The following TASP1 variants were observed in gnomAD, a reference collection of about 807,000 sequenced individuals.
TASP1 encodes taspase 1.
A neutral mutation model predicts 56.6 loss-of-function variants in TASP1; 16 were observed. The ratio of observed to expected loss-of-function variants is 0.28; its 90% CI spans 0.19 to 0.43. The LOEUF (loss-of-function observed/expected upper bound fraction) is 0.43. TASP1 is among the 20% of genes least tolerant of loss of function. The probability of loss-of-function intolerance (pLI) is 1.00; values close to 1 mark genes in which losing one functional copy is unlikely to be tolerated. For synonymous variants in TASP1, 179 were observed against 184.2 expected (o/e 0.97, Z 0.23); for missense variants, 393 against 511.6 (o/e 0.77, Z 2.24).
At chr20:13,184,511 T>A in the TASP1 span, among the ~76,000 whole-genome samples, 1 of 152,216 alleles carries the variant, frequency 6.6e-6, no homozygotes, top group African/African-American at 2.4e-5. Context: ...GATTAAAACC[T>A]TTAATCTTTC....
At chr20:13,621,262 T>A (rs1196336751) in intron 4 of TASP1, among the ~76,000 whole-genome samples, 11 of 145,758 alleles carry the variant, frequency 7.5e-5, no homozygotes, top group Non-Finnish European at 1.7e-4. Context: ...TGTCTCTACT[T>A]AAAAAAAAAA....
At chr20:13,579,576 C>T (rs971464744) in intron 6 of TASP1, among the ~76,000 whole-genome samples, 10 of 152,056 alleles carry the variant, frequency 6.6e-5, no homozygotes, top group African/African-American at 2.4e-4. Flanking sequence ...TGGTCTCGAT[C>T]TCCTGATCTC....
the TASP1 span, among the ~76,000 whole-genome samples, chr20:13,161,834 G>GCA: frequency 9.9e-5 from 15 of 151,862 alleles, no homozygotes; most frequent in Middle Eastern, 3.4e-3. Flanking sequence ...GCACACACAC[G>GCA]CACACACACA....
At chr20:13,270,532 C>T in the TASP1 span, 10 of 1,613,504 alleles carry the variant, frequency 6.2e-6, no homozygotes, top group Non-Finnish European at 8.5e-6. Context: ...AGTGACACCA[C>T]ATCAGAAACC....
At chr20:13,353,063 G>T in the TASP1 span, among the ~76,000 whole-genome samples, 1 of 152,070 alleles carries the variant, frequency 6.6e-6, no homozygotes, top group Non-Finnish European at 1.5e-5. Flanking sequence ...ATAGCAAGAT[G>T]CTGTATATAC....
intron 13 of TASP1, among the ~76,000 whole-genome samples, chr20:13,404,087 C>T (rs573415806): frequency 6.6e-6 from 1 of 152,138 alleles, no homozygotes; most frequent in Non-Finnish European, 1.5e-5. Context: ...CCCCCAAATT[C>T]CCTCATGCCC....
At chr20:13,387,053 G>C (rs2041167821), downstream of TASP1, among the ~76,000 whole-genome samples, 1 of 151,860 alleles carries the variant, frequency 6.6e-6, no homozygotes, top group Non-Finnish European at 1.5e-5. Flanking sequence ...GGTATCGATT[G>C]TTCCCTTCTT....
intron 10 of TASP1, among the ~76,000 whole-genome samples, chr20:13,496,921 G>T (rs2043752204): frequency 1.3e-5 from 2 of 152,146 alleles, no homozygotes; most frequent in Non-Finnish European, 2.9e-5. Context: ...ACAGAGCCAT[G>T]GTCTCTTCTA....
At chr20:13,574,346 A>G (rs2046826379) in intron 6 of TASP1, among the ~76,000 whole-genome samples, 1 of 152,342 alleles carries the variant, frequency 6.6e-6, no homozygotes, top group African/African-American at 2.4e-5. Context: ...TAACTTAGCC[A>G]CATCCTAGAA....
At chr20:13,586,738 A>G (rs1466268981) in intron 5 of TASP1, among the ~76,000 whole-genome samples, 1 of 152,230 alleles carries the variant, frequency 6.6e-6, no homozygotes, top group Non-Finnish European at 1.5e-5. Flanking sequence ...CTGATGTGGA[A>G]AAAATCTCCA....
At chr20:13,575,162 C>CA (rs1377154478) in intron 6 of TASP1, among the ~76,000 whole-genome samples, 1 of 152,146 alleles carries the variant, frequency 6.6e-6, no homozygotes, top group Non-Finnish European at 1.5e-5. Context: ...GCTGCTTTGT[C>CA]AGTCAAAAAT....
At chr20:13,173,561 G>C in the TASP1 span, among the ~76,000 whole-genome samples, 1 of 152,224 alleles carries the variant, frequency 6.6e-6, no homozygotes, top group African/African-American at 2.4e-5. Context: ...GGCTAGGCTG[G>C]AGGAGGGGGC....
intron 10 of TASP1, among the ~76,000 whole-genome samples, chr20:13,521,119 A>G (rs1361515565): frequency 6.6e-6 from 1 of 152,198 alleles, no homozygotes; most frequent in African/African-American, 2.4e-5. Flanking sequence ...AAAAGTCAGG[A>G]AACAACAGAT....
intron 11 of TASP1, among the ~76,000 whole-genome samples, chr20:13,445,533 G>C (rs920862437): frequency 3.9e-5 from 6 of 152,166 alleles, no homozygotes; most frequent in Non-Finnish European, 8.8e-5. Context: ...GTTGAGACAG[G>C]TGAACTGCTG....
At chr20:13,263,481 G>T in the TASP1 span, among the ~76,000 whole-genome samples, 14 of 152,172 alleles carry the variant, frequency 9.2e-5, no homozygotes, top group Admixed American at 3.9e-4. Context: ...TCTTAGGAGT[G>T]CTTGCTCCTC....
chr20:13,112,055 G>T, the TASP1 span, among the ~76,000 whole-genome samples: 19 of 152,308 alleles, frequency 1.2e-4, no homozygotes, highest in East Asian at 3.5e-3. Flanking sequence ...AATAGTGACT[G>T]CTCAGTTACC....
chr20:13,476,802 T>C (rs61518689), intron 11 of TASP1, among the ~76,000 whole-genome samples: 8,965 of 152,202 alleles, frequency 0.059, 371 homozygotes, highest in African/African-American at 0.12. Context: ...AGTTTGGACA[T>C]GTGAGTATAA....
the TASP1 span, among the ~76,000 whole-genome samples, chr20:13,383,166 G>A: frequency 6.6e-6 from 1 of 152,230 alleles, no homozygotes; most frequent in Non-Finnish European, 1.5e-5. Context: ...GGGACAAGGT[G>A]TACTGGAAGG....
rs200205058 is a variant in TASP1 at position 13,600,489 on chromosome 20, C to T, written c.283-13119G>A. ...AGGCAATTCAATGGAGAAAGAATAA[C>T]ATTTTCAAGAAACTGTACTAGAAAA... On this transcript the variant is annotated intron_variant, in intron 4 of 13. Coordinates refer to ENST00000337743, the MANE Select transcript of TASP1 (RefSeq NM_017714.3). 4 of 152,146 alleles carry T rather than the reference C, an allele frequency of 2.6e-5. No individual in the cohort carries two copies. In the East Asian group the frequency reaches 7.7e-4, roughly 29 times the overall value. 9.4% of individuals were successfully genotyped at this position (152,146 alleles called of 1,614,324 possible).
Sources: allele counts gnomAD v4.1 joint callset (sites outside exome capture counted in the v4.1 genomes callset), GRCh38; gene constraint gnomAD v4.1.1; transcripts MANE v1.5; gene names NCBI Gene and HGNC (gene_info 2026-07-23, HGNC 2026-07-21).